The following PTPN13 variants were observed in gnomAD, a reference collection of about 807,000 sequenced individuals.
PTPN13 encodes protein tyrosine phosphatase non-receptor type 13.
In PTPN13, 191 loss-of-function variants were observed where a neutral mutation model predicts 284.0. The observed-to-expected ratio is 0.67, with a 90% CI of 0.60 to 0.76. PTPN13 has a LOEUF of 0.76. Among genes scored for constraint, PTPN13 ranks in the 30% least tolerant of loss-of-function variants. The pLI, the probability that PTPN13 is intolerant of heterozygous loss-of-function variation, is 0.00. For missense variants in PTPN13, 2,797 were observed against 2,939.9 expected (o/e 0.95, Z 1.12); for synonymous variants, 986 against 1,022.3 (o/e 0.96, Z 0.68).
chr4:86,776,157 G>C (rs1162317811), intron 35 of PTPN13, among the ~76,000 whole-genome samples: 1 of 152,130 alleles, frequency 6.6e-6, no homozygotes, highest in Non-Finnish European at 1.5e-5. Context: ...TGTTGGCCAG[G>C]CTGGTCTCGA....
At chr4:86,609,084 A>G (rs549727812) in intron 1 of PTPN13, among the ~76,000 whole-genome samples, 7 of 152,160 alleles carry the variant, frequency 4.6e-5, no homozygotes, top group Non-Finnish European at 7.4e-5. Flanking sequence ...ATTTGCTCTT[A>G]GTTGGAGAAG....
intron 1 of PTPN13, among the ~76,000 whole-genome samples, chr4:86,596,783 G>A (rs749607472): frequency 1.3e-5 from 2 of 152,130 alleles, no homozygotes; most frequent in Non-Finnish European, 2.9e-5. Context: ...GACTGTAAGG[G>A]ATAAACTATT....
At chr4:86,772,382 C>T (rs1267809809) in intron 31 of PTPN13, among the ~76,000 whole-genome samples, 1 of 151,968 alleles carries the variant, frequency 6.6e-6, no homozygotes, top group Non-Finnish European at 1.5e-5. Context: ...GGCAAAATCC[C>T]ATCTCTACTA....
intron 3 of PTPN13, among the ~76,000 whole-genome samples, chr4:86,684,111 A>G (rs755500335): frequency 5.3e-5 from 8 of 152,154 alleles, no homozygotes; most frequent in Non-Finnish European, 1.2e-4. Context: ...AAAAAAAAAA[A>G]AAAGCTGTTT....
chr4:86,766,644 A>G (rs1565523211), intron 27 of PTPN13, 127 bp downstream of exon 27: 4 of 590,172 alleles, frequency 6.8e-6, no homozygotes, highest in Non-Finnish European at 8.1e-6. Context: ...GATATATATA[A>G]CCATCTGGGT....
intron 2 of PTPN13, among the ~76,000 whole-genome samples, chr4:86,647,814 A>G (rs1337856157): frequency 6.6e-6 from 1 of 152,100 alleles, no homozygotes; most frequent in African/African-American, 2.4e-5. Context: ...AGACATAGAG[A>G]GAAGATGGCC....
chr4:86,643,926 C>T (rs1017398215), intron 2 of PTPN13, among the ~76,000 whole-genome samples: 1 of 151,956 alleles, frequency 6.6e-6, no homozygotes, highest in Non-Finnish European at 1.5e-5. Context: ...CTTATCAATA[C>T]AGCAACAGGA....
chr4:86,714,826 A>G (rs1732831829), intron 7 of PTPN13, among the ~76,000 whole-genome samples: 1 of 152,214 alleles, frequency 6.6e-6, no homozygotes, highest in Non-Finnish European at 1.5e-5. Context: ...AAAAAAGACA[A>G]CATTCTTTTT....
chr4:86,616,467 G>C (rs1720553677), intron 1 of PTPN13, among the ~76,000 whole-genome samples: 1 of 149,662 alleles, frequency 6.7e-6, no homozygotes, highest in Admixed American at 6.7e-5. Context: ...GTTTGTCCCT[G>C]CCCAAATCTC....
In PTPN13 at chr4:86,758,768, A is replaced by T; in HGVS notation, c.3404A>T (p.Asp1135Val). The change falls in exon 22 of 48, where the codon GAT becomes GTT. Residue 1135 changes from aspartate (D) to valine (V), a missense_variant. Transcript: ENST00000411767. The part of the protein sequence containing the change: ...SVAPGGPADL[D>V]GCLKPGDRLI... The stretch of plus-strand genomic sequence containing the variant: ...GCCCCTGGAGGACCAGCTGACTTGG[A>T]TGGATGCTTGAAGCCAGGTACTTTA... 1.2e-6 allele frequency: 2 copies of T among 1,613,690 alleles called. No individual in the cohort carries two copies. Among genetic ancestry groups the T allele is most frequent in the South Asian group, 1.1e-5 (1 of 91,050 alleles).
intron 3 of PTPN13, among the ~76,000 whole-genome samples, chr4:86,675,738 A>G (rs557382388): frequency 1.3e-5 from 2 of 152,288 alleles, no homozygotes; most frequent in Admixed American, 1.3e-4. Context: ...TACAGGCTAC[A>G]CTAAGCTTTT....
At chr4:86,799,309 A>C in intron 42 of PTPN13, 105 bp downstream of exon 42, 1 of 604,390 alleles carries the variant, frequency 1.7e-6, no homozygotes, top group Non-Finnish European at 2.6e-6. Context: ...ATATGTATAC[A>C]TTATTTGCTT....
chr4:86,629,938 A>G (rs1036370625), intron 1 of PTPN13, among the ~76,000 whole-genome samples: 1 of 152,008 alleles, frequency 6.6e-6, no homozygotes, highest in African/African-American at 2.4e-5. Flanking sequence ...TTTAAAAAGC[A>G]TTATTATATA....
Position 86,764,686 on chromosome 4 carries a change from C to T in PTPN13, c.4111C>T (p.Leu1371=), listed in dbSNP as rs1281987840. Residue 1371 remains leucine, a synonymous_variant, in exon 25 of 48, where the codon CTG becomes TTG. Coordinates refer to ENST00000411767, the MANE Select transcript of PTPN13 (RefSeq NM_080683.3). The stretch of plus-strand genomic sequence containing the variant: ...GCCTGGAGATATCTTTGAGGTTGAA[C>T]TGGCTAAAAATGATAACAGCTTGGG... ...PKPGDIFEVE[L]AKNDNSLGIS... 6.2e-7 allele frequency: 1 copy of T among 1,606,510 alleles called. No individual in the cohort carries two copies. Among genetic ancestry groups the T allele is most frequent in the Non-Finnish European group, 8.5e-7 (1 of 1,178,078 alleles).
chr4:86,689,786 A>G (rs762254750), intron 5 of PTPN13: 20 of 701,264 alleles, frequency 2.9e-5, no homozygotes, highest in African/African-American at 5.2e-5. Context: ...AATGCTATAT[A>G]TTACCTGAAA....
chr4:86,750,401 T>G, intron 17 of PTPN13, 69 bp from the exon 18 acceptor site: 1 of 1,352,500 alleles, frequency 7.4e-7, no homozygotes, highest in Non-Finnish European at 1.0e-6. Context: ...TGCTTATTTA[T>G]TAACATAATT....
At chr4:86,693,762 T>A in intron 6 of PTPN13, 88 bp downstream of exon 6, 1 of 899,942 alleles carries the variant, frequency 1.1e-6, no homozygotes, top group Non-Finnish European at 1.6e-6. Flanking sequence ...CTTTGAAATC[T>A]GGTAATTGAG....
intron 6 of PTPN13, among the ~76,000 whole-genome samples, chr4:86,697,371 GATA>G (rs978340923): frequency 6.6e-6 from 1 of 152,088 alleles, no homozygotes; most frequent in Non-Finnish European, 1.5e-5. Flanking sequence ...CAAATTTGGG[GATA>G]ATGCCTTATA....
intron 3 of PTPN13, among the ~76,000 whole-genome samples, chr4:86,677,247 A>G (rs1728380163): frequency 6.6e-6 from 1 of 151,500 alleles, no homozygotes; most frequent in Non-Finnish European, 1.5e-5. Flanking sequence ...AACCTGGGCA[A>G]CAGAGCAAGA....
Sources: gnomAD v4.1 joint callset for allele counts (sites outside exome capture counted in the v4.1 genomes callset) on GRCh38, gnomAD v4.1.1 for gene constraint, MANE v1.5 for transcripts, NCBI Gene and HGNC (gene_info 2026-07-23, HGNC 2026-07-21) for gene names.